The following SLC38A10 variants were observed in gnomAD, a reference collection of about 807,000 sequenced individuals.
The protein encoded by SLC38A10 is Sodium-coupled neutral amino acid transporter 10.
Under a neutral mutation model 81.0 loss-of-function variants are expected in SLC38A10, and 53 were observed. The observed-to-expected ratio is 0.65, with a 90% CI of 0.53 to 0.82. SLC38A10 has a LOEUF of 0.82. Ranked by LOEUF, SLC38A10 falls within the 40% of genes least tolerant of loss-of-function variation. SLC38A10 has a pLI of 0.00. For missense variants in SLC38A10, 1,471 were observed against 1,545.0 expected, an observed-to-expected ratio of 0.95 and a Z score of 0.80; for synonymous variants, 665 against 655.3, an observed-to-expected ratio of 1.01 and a Z score of -0.23.
intron 3 of SLC38A10, 91 bp downstream of exon 3, chr17:81,284,759 T>C (rs559736117): frequency 1.1e-4 from 111 of 1,006,552 alleles, no homozygotes; most frequent in Non-Finnish European, 1.5e-4. Flanking sequence ...TACAGGTGAA[T>C]CTGGGGATGA....
chr17:81,282,174 G>T lies in SLC38A10; in HGVS notation c.501+15C>A. ...GCAGCCTTTCAGCGGGTACCCACGC[G>T]CGCTGCCGACTCACCACGAACATGA... On this transcript the variant is annotated intron_variant, in intron 5 of 15. Transcript: ENST00000374759. 6.2e-7 allele frequency: 1 copy of T among 1,612,448 alleles called. No homozygotes were observed. The highest frequency in any genetic ancestry group is 1.1e-5 in the South Asian group (1 of 91,078).
chr17:81,248,680 ATGCCAGGCATAGAC>A (rs1379107770), intron 14 of SLC38A10, among the ~76,000 whole-genome samples: 7 of 152,260 alleles, frequency 4.6e-5, no homozygotes, highest in Non-Finnish European at 1.0e-4. Flanking sequence ...ACGGCCCTGC[ATGCCAGGCATAGAC>A]TGACGTGCCG....
intron 14 of SLC38A10, chr17:81,251,214 T>G: frequency 1.4e-6 from 2 of 1,424,442 alleles, no homozygotes; most frequent in Non-Finnish European, 1.9e-6. Context: ...CCGCAGGTGT[T>G]TTAAAGGGGA....
At position 81,276,028 on chromosome 17, in the gene SLC38A10, A is replaced by G; in HGVS notation, c.853T>C (p.Phe285Leu). The change falls in exon 8 of 16, where the codon TTC becomes CTC. Residue 285 changes from phenylalanine (F) to leucine (L), a missense_variant. By Grantham distance (22) the Phe-to-Leu change is conservative (BLOSUM62 0). Transcript: ENST00000374759. The surrounding 1 kb of genome is among the most constrained non-coding windows in gnomAD (Gnocchi z 4.7). ...CTGCATGGCAGGATCATCATGGGGA[A>G]GCCCACAGCCACTGACATCATGAAG... ...VGFMMSVAVG[F>L]PMMILPCRQA... 2 of 1,613,832 alleles carry G rather than the reference A, an allele frequency of 1.2e-6. No individual in the cohort carries two copies. Among genetic ancestry groups the G allele is most frequent in the Non-Finnish European group, 1.7e-6 (2 of 1,180,020 alleles).
At chr17:81,292,865 C>T (rs2063321339) in intron 1 of SLC38A10, among the ~76,000 whole-genome samples, 1 of 152,196 alleles carries the variant, frequency 6.6e-6, no homozygotes, top group African/African-American at 2.4e-5. Context: ...CATTTGGGGC[C>T]AGGCACGGTG....
intron 1 of SLC38A10, among the ~76,000 whole-genome samples, chr17:81,294,008 G>A (rs1273104801): frequency 6.6e-6 from 1 of 152,074 alleles, no homozygotes; most frequent in Non-Finnish European, 1.5e-5. Flanking sequence ...TAGATCAAAT[G>A]TGCAGTTTTT....
chr17:81,267,812 A>G lies in SLC38A10; in HGVS notation c.1131+3106T>C, dbSNP rs568124597. On this transcript the variant is annotated intron_variant, in intron 10 of 15. Transcript: ENST00000374759. ...ACTTGAGAGGTCCAGATCCCAGAGGACAGAGAAAAGCCCTTAGTCACAGAG... is the reference window on the plus strand; with the variant it reads ...ACTTGAGAGGTCCAGATCCCAGAGGGCAGAGAAAAGCCCTTAGTCACAGAG... Among the ~76,000 whole-genome samples, 36 of 152,182 alleles carry G rather than the reference A, an allele frequency of 2.4e-4. No individual in the cohort carries two copies. The South Asian group carries it at 7.5e-3, about 32-fold the overall frequency.
chr17:81,246,998 A>C lies in SLC38A10; in HGVS notation c.2129T>G (p.Val710Gly), dbSNP rs2062858309. ...VLLQVIKEQQ[V>G]QQKRLLDQQE... Reference sequence around the variant, plus strand: ...CTGGTCCAGCAAGCGCTTTTGCTGCACCTGCTGTTCTTTGATCACCTGAAG... The same window carrying C: ...CTGGTCCAGCAAGCGCTTTTGCTGCCCCTGCTGTTCTTTGATCACCTGAAG... Residue 710 changes from valine (V) to glycine (G), a missense_variant, in exon 15 of 16, where the codon GTG becomes GGG. Around this residue, in one of 2 missense-constraint regions of SLC38A10, gnomAD observed 751 missense variants for 717.4 expected, o/e 1.05. Coordinates refer to ENST00000374759, the MANE Select transcript of SLC38A10 (RefSeq NM_001037984.3). 6.2e-7 allele frequency: 1 copy of C among 1,605,126 alleles called. No individual in the cohort carries two copies. The highest frequency in any genetic ancestry group is 8.5e-7 in the Non-Finnish European group (1 of 1,179,490).
chr17:81,272,560 G>A lies in SLC38A10; in HGVS notation c.980C>T (p.Ser327Phe). The A allele has an allele frequency of 1.9e-6, 3 of 1,599,594 alleles. No individual in the cohort carries two copies. Among genetic ancestry groups the A allele is most frequent in the Non-Finnish European group, 2.6e-6 (3 of 1,173,920 alleles). Residue 327 changes from serine to phenylalanine, a missense_variant, in exon 9 of 16, where the codon TCT becomes TTT. Ser to Phe is a radical substitution (Grantham distance 155). Coordinates refer to ENST00000374759, the MANE Select transcript of SLC38A10 (RefSeq NM_001037984.3). ...PPLRFKALTL[S>F]VVFGTMVGGI... ...ACCAACCATGGTTCCAAACACCACA[G>A]AGAGGGTAAGTGCTTTAAACCGGAG...
At chr17:81,250,698 G>A (rs890612295) in intron 14 of SLC38A10, among the ~76,000 whole-genome samples, 4 of 152,214 alleles carry the variant, frequency 2.6e-5, no homozygotes, top group African/African-American at 9.6e-5. Flanking sequence ...TTTGGTGAGC[G>A]GGGGCCCAGC....
intron 11 of SLC38A10, among the ~76,000 whole-genome samples, chr17:81,257,162 C>A (rs1235576214): frequency 1.3e-5 from 2 of 152,200 alleles, no homozygotes; most frequent in Non-Finnish European, 2.9e-5. Context: ...CTCTGTCACC[C>A]AGGCCGGAGT....
At position 81,258,247 on chromosome 17, in the gene SLC38A10, G is replaced by A. The variant is rs999360781; in HGVS notation, c.1288+1991C>T. Among the ~76,000 whole-genome samples the A allele has an allele frequency of 3.9e-5, 6 of 152,176 alleles. No homozygotes were observed. In the East Asian group the frequency reaches 7.7e-4, roughly 20 times the overall value. On this transcript the variant is annotated intron_variant, in intron 11 of 15. Transcript: ENST00000374759. The stretch of plus-strand genomic sequence containing the variant: ...TCCGCTCAGCAGTCTGACAGGGAGC[G>A]CACATCGGTGCAGGACCCTCGACCC...
chr17:81,247,395 C>T (rs923072278), intron 14 of SLC38A10: 8 of 245,206 alleles, frequency 3.3e-5, no homozygotes, highest in Admixed American at 1.1e-4. Context: ...CAAGCCTGCT[C>T]GTTGCCCATG....
intron 6 of SLC38A10, chr17:81,280,001 C>CA: frequency 2.8e-6 from 1 of 352,514 alleles, no homozygotes; most frequent in Non-Finnish European, 5.8e-6. Flanking sequence ...GCCAGCCCCC[C>CA]GCATGCCGAT....
chr17:81,260,833 A>G (rs1206570682), intron 10 of SLC38A10, among the ~76,000 whole-genome samples: 1 of 152,224 alleles, frequency 6.6e-6, no homozygotes, highest in East Asian at 1.9e-4. Context: ...AGCACTGCCC[A>G]ACCTGCCTGG....
Position 81,272,548 on chromosome 17 carries a change from C to T in SLC38A10, c.992G>A (p.Gly331Glu). The change falls in exon 9 of 16, where the codon GGA becomes GAA. Residue 331 changes from glycine to glutamate, a missense_variant. Gly to Glu is a moderately conservative substitution (Grantham distance 98). Transcript: ENST00000374759. ...FKALTLSVVF[G>E]TMVGGILIPN... ...GATAAGGATGCCACCAACCATGGTT[C>T]CAAACACCACAGAGAGGGTAAGTGC... 6.3e-7 allele frequency: 1 copy of T among 1,599,146 alleles called. No homozygotes were observed. The highest frequency in any genetic ancestry group is 8.5e-7 in the Non-Finnish European group (1 of 1,173,872).
At position 81,295,102 on chromosome 17, in the gene SLC38A10, C is replaced by G. The variant is rs2063338499; in HGVS notation, c.-181G>C. 1 of 1,150,024 alleles carries G rather than the reference C, an allele frequency of 8.7e-7. No individual in the cohort carries two copies. The allele number at this position is 1,150,024 out of a possible 1,614,324, so 71.2% of individuals were successfully genotyped here. Reference sequence around the variant, plus strand: ...CGCGGGCGCGGGCCCCAGAGGCTGCCTGGAGGAGGCAGCCTCGAAGGCCGG... The same window carrying G: ...CGCGGGCGCGGGCCCCAGAGGCTGCGTGGAGGAGGCAGCCTCGAAGGCCGG... On this transcript the variant is annotated 5_prime_UTR_variant, in exon 1 of 16. Transcript: ENST00000374759.
In SLC38A10 at chr17:81,252,556, G is replaced by A. The variant is rs1243669386; in HGVS notation, c.1584C>T (p.Gly528=). ...GGCCCTGGACCCCTGGAGCCTTTCC[G>A]CCCGCGTGTCTGGATGGAGGTTTGT... ...EENKPPSRHA[G]GKAPGVQGQM... The change falls in exon 13 of 16, where the codon GGC becomes GGT. Residue 528 remains glycine (G), a synonymous_variant. Transcript: ENST00000374759. The A allele has an allele frequency of 3.1e-6, 5 of 1,613,242 alleles. No individual in the cohort carries two copies. Among genetic ancestry groups the A allele is most frequent in the East Asian group, 2.2e-5 (1 of 44,890 alleles).
At position 81,276,233 on chromosome 17, in the gene SLC38A10, G is replaced by A. The variant is rs1382417467; in HGVS notation, c.730-82C>T. The stretch of plus-strand genomic sequence containing the variant: ...CTGTCACAGTGGGCAGGGCATGGGG[G>A]GGACCTGTGCCCTGCCCCCCAGAAT... On this transcript the variant is annotated intron_variant, in intron 7 of 15. Coordinates refer to ENST00000374759, the MANE Select transcript of SLC38A10 (RefSeq NM_001037984.3). The surrounding 1 kb of genome is among the most constrained non-coding windows in gnomAD (Gnocchi z 4.7). The A allele has an allele frequency of 3.7e-6, 5 of 1,342,380 alleles. No homozygotes were observed. In the East Asian group the frequency reaches 7.7e-5, roughly 21 times the overall value. The allele number at this position is 1,342,380 out of a possible 1,614,324, so 83.2% of individuals were successfully genotyped here.
Sources: allele counts gnomAD v4.1 joint callset (sites outside exome capture counted in the v4.1 genomes callset), GRCh38; gene constraint gnomAD v4.1.1; regional missense constraint gnomAD v4.1.1; non-coding constraint Gnocchi (gnomAD v3.1); transcripts MANE v1.5; gene names NCBI Gene and HGNC (gene_info 2026-07-23, HGNC 2026-07-21).